Variants in MYH2 observed in about 807,000 individuals in gnomAD.
The protein encoded by MYH2 is myosin-2.
In MYH2, 139 loss-of-function variants were observed where a neutral mutation model predicts 228.1. That is an observed-to-expected ratio of 0.61 (90% CI 0.53 to 0.70). The LOEUF is 0.70. MYH2 is among the 30% of genes least tolerant of loss of function. MYH2 has a pLI of 0.00. For missense variants in MYH2, 1,809 were observed against 2,357.5 expected (o/e 0.77, Z 4.82); for synonymous variants, 796 against 871.1 (o/e 0.91, Z 1.52).
At chr17:10,523,011 A>G in intron 39 of MYH2, 79 bp downstream of exon 39, 1 of 1,037,666 alleles carries the variant, frequency 9.6e-7, no homozygotes, top group Non-Finnish European at 1.5e-6. Flanking sequence ...TAGTCTTTAA[A>G]GCAAACAGCT....
At chr17:10,526,539 A>G (rs2142295147) in intron 30 of MYH2, 60 bp downstream of exon 30, 15 of 1,605,780 alleles carry the variant, frequency 9.3e-6, no homozygotes, top group Middle Eastern at 1.7e-4. Context: ...TTCAAAGGTC[A>G]TGTCTTTCTG....
In MYH2 at chr17:10,529,664, T is replaced by C; in HGVS notation, c.3017A>G (p.Gln1006Arg). The part of the protein sequence containing the change: ...AKLTKEKKAL[Q>R]EAHQQTLDDL... ...ATCCAGGGTCTGCTGGTGGGCCTCC[T>C]GGAGAGCCTTCTTCTCCTTGGTCAG... Residue 1006 changes from glutamine (Q) to arginine (R), a missense_variant, in exon 24 of 40, where the codon CAG (glutamine) becomes CGG (arginine). Gln to Arg is a conservative substitution (Grantham distance 43). Transcript: ENST00000245503. The C allele has an allele frequency of 6.2e-7, 1 of 1,614,102 alleles. No homozygotes were observed. Among genetic ancestry groups the C allele is most frequent in the Admixed American group, 1.7e-5 (1 of 60,026 alleles).
chr17:10,535,918 T>A (rs182831616), intron 17 of MYH2, among the ~76,000 whole-genome samples: 1 of 152,364 alleles, frequency 6.6e-6, no homozygotes, highest in Admixed American at 6.5e-5. Context: ...CTGCTAGAAT[T>A]CATGAGTTCA....
chr17:10,525,464 G>A lies in MYH2; in HGVS notation c.4524C>T (p.Asn1508=), dbSNP rs755853806. 3.1e-6 allele frequency: 5 copies of A among 1,614,032 alleles called. No homozygotes were observed. Among genetic ancestry groups the A allele is most frequent in the East Asian group, 2.2e-5 (1 of 44,898 alleles). ...LDQLETLKRE[N]KNLQQEISDL... ...ATAGGGACTTACGCTGTAAGTTTTTGTTCTCTCGCTTCAGGGTTTCTAGCT... is the reference window on the plus strand; with the variant it reads ...ATAGGGACTTACGCTGTAAGTTTTTATTCTCTCGCTTCAGGGTTTCTAGCT... Residue 1508 remains asparagine (N), a synonymous_variant, in exon 32 of 40, where the codon AAC becomes AAT. Coordinates refer to ENST00000245503, the MANE Select transcript of MYH2 (RefSeq NM_017534.6). This position sits in a 1 kb window ranked among gnomAD's most constrained non-coding sequence, Gnocchi z 4.2.
At chr17:10,538,446 T>C (rs2073508672) in intron 14 of MYH2, among the ~76,000 whole-genome samples, 1 of 151,928 alleles carries the variant, frequency 6.6e-6, no homozygotes, top group Non-Finnish European at 1.5e-5. Context: ...TCGAGACCAT[T>C]CTGGCTAACA....
chr17:10,546,256 G>GATATATATATATATATAT (rs71139049), intron 4 of MYH2, among the ~76,000 whole-genome samples: 732 of 65,990 alleles, frequency 0.011, 89 homozygotes, highest in African/African-American at 0.016. Context: ...GACACGAAAT[G>GATATATATATATATATAT]ATATATATAT....
chr17:10,547,955 A>G lies in MYH2; in HGVS notation c.-20-15T>C, dbSNP rs766450800. The stretch of plus-strand genomic sequence containing the variant: ...ACTCAGAGGTCCTAAAGGAGATAAA[A>G]CTTTCACATTAGAGAGTCTGGATTG... On this transcript the variant is annotated splice_polypyrimidine_tract_variant and intron_variant, in intron 2 of 39. Coordinates refer to ENST00000245503, the MANE Select transcript of MYH2 (RefSeq NM_017534.6). The G allele has an allele frequency of 6.2e-7, 1 of 1,603,122 alleles. No individual in the cohort carries two copies. The highest frequency in any genetic ancestry group is 1.7e-5 in the Admixed American group (1 of 59,818).
Position 10,545,347 on chromosome 17 carries a change from A to C in MYH2, c.504T>G (p.Thr168=). The C allele has an allele frequency of 6.2e-7, 1 of 1,613,450 alleles. No homozygotes were observed. Residue 168 remains threonine, a splice_region_variant and synonymous_variant, in exon 5 of 40, where the codon ACT becomes ACG. Transcript: ENST00000245503. ...ISDNAYQFML[T]DRENQSILIT... Reference sequence around the variant, plus strand: ...TTGCAAAGCATTCGGCTCACTCACCAGTCAGCATGAACTGATAGGCGTTGT... The same window carrying C: ...TTGCAAAGCATTCGGCTCACTCACCCGTCAGCATGAACTGATAGGCGTTGT...
intron 13 of MYH2, 37 bp downstream of exon 13, chr17:10,539,407 T>C (rs1567734678): frequency 6.2e-7 from 1 of 1,614,176 alleles, no homozygotes; most frequent in Non-Finnish European, 8.5e-7. Context: ...ATGAAAATGC[T>C]TTCATCCCTG....
In MYH2 at chr17:10,537,574, T is replaced by G. The variant is rs200692688; in HGVS notation, c.1588-32A>C. ...AGCAGACCACAACACAAAATTGTAC[T>G]TCTATTTTTTTTTCTGTCTATAGAA... On this transcript the variant is annotated intron_variant, in intron 15 of 39. Coordinates refer to ENST00000245503, the MANE Select transcript of MYH2 (RefSeq NM_017534.6). This position sits in a 1 kb window ranked among gnomAD's most constrained non-coding sequence, Gnocchi z 4.0. 1.2e-6 allele frequency: 2 copies of G among 1,614,046 alleles called. No homozygotes were observed. Among genetic ancestry groups the G allele is most frequent in the Non-Finnish European group, 1.7e-6 (2 of 1,180,000 alleles).
At chr17:10,544,850 T>C (rs1322968183) in intron 5 of MYH2, among the ~76,000 whole-genome samples, 2 of 152,140 alleles carry the variant, frequency 1.3e-5, no homozygotes, top group African/African-American at 4.8e-5. Context: ...AGGTTGGTTC[T>C]GGGCAAAGGG....
In MYH2 at chr17:10,531,638, G is replaced by C; in HGVS notation, c.2692C>G (p.Gln898Glu). 6.2e-7 allele frequency: 1 copy of C among 1,614,176 alleles called. No individual in the cohort carries two copies. The highest frequency in any genetic ancestry group is 1.7e-5 in the Admixed American group (1 of 60,026). ...KEKNDLQLQVQAEAEGLADAE... is the reference protein window; with the variant it reads ...KEKNDLQLQVEAEAEGLADAE... Reference sequence around the variant, plus strand: ...AGGGTGATATTCCAACTCACAGCCTGAACTTGGAGCTGCAAGTCATTTTTT... The same window carrying C: ...AGGGTGATATTCCAACTCACAGCCTCAACTTGGAGCTGCAAGTCATTTTTT... Residue 898 changes from glutamine to glutamate, a missense_variant, in exon 22 of 40, where the codon CAG becomes GAG. Physicochemically the swap from Gln to Glu is conservative, Grantham distance 29 (BLOSUM62 2). Around this residue, in one of 9 missense-constraint regions of MYH2, gnomAD observed 276 missense variants for 344.2 expected, o/e 0.80. Transcript: ENST00000245503.
intron 27 of MYH2, 118 bp from the exon 28 acceptor site, chr17:10,527,992 A>G (rs1307326865): frequency 8.0e-7 from 1 of 1,244,512 alleles, no homozygotes; most frequent in East Asian, 2.6e-5. Flanking sequence ...TTAATATAGA[A>G]AAGAAACCAA....
rs771443615 is a variant in MYH2 at position 10,544,004 on chromosome 17, A to G, written c.546T>C (p.Gly182=). The G allele has an allele frequency of 6.2e-7, 1 of 1,614,202 alleles. No individual in the cohort carries two copies. The highest frequency in any genetic ancestry group is 1.1e-5 in the South Asian group (1 of 91,082). Residue 182 remains glycine (G), a synonymous_variant, in exon 7 of 40, where the codon GGT becomes GGC. Coordinates refer to ENST00000245503, the MANE Select transcript of MYH2 (RefSeq NM_017534.6). ...GCTTGGTGTTCACAGTCTTCCCTGC[A>G]CCAGATTCTCCACTGTCAAATCAAA... ...NQSILITGES[G]AGKTVNTKRV...
chr17:10,541,979 T>G (rs1479894720), intron 10 of MYH2, among the ~76,000 whole-genome samples: 1 of 152,096 alleles, frequency 6.6e-6, no homozygotes, highest in Non-Finnish European at 1.5e-5. Context: ...AAATCCTTAT[T>G]AAAAAATAAA....
chr17:10,548,997 A>G (rs1006522311), intron 2 of MYH2, among the ~76,000 whole-genome samples: 2 of 152,222 alleles, frequency 1.3e-5, no homozygotes, highest in Non-Finnish European at 1.5e-5. Flanking sequence ...AGTTTAAAGA[A>G]AGGATTGTCT....
Position 10,545,497 on chromosome 17 carries a change from A to C in MYH2, c.354T>G (p.Tyr118Ter). The part of the protein sequence containing the change: ...ERYAAWMIYT[Y>*]SGLFCVTVNP... The stretch of plus-strand genomic sequence containing the variant: ...TGACAGTGACACAGAAGAGACCTGA[A>C]TAGGTCTATGAGAAGGAAAAAGAAT... The change falls in exon 5 of 40, where the codon TAT becomes TAG. Residue 118 changes from tyrosine (Y) to a stop codon, truncating the protein, a stop_gained. Transcript: ENST00000245503. LOFTEE classifies it high-confidence loss of function. The C allele has an allele frequency of 6.2e-7, 1 of 1,614,098 alleles. No individual in the cohort carries two copies. The highest frequency in any genetic ancestry group is 8.5e-7 in the Non-Finnish European group (1 of 1,179,920).
rs759806136 is a variant in MYH2, at chr17:10,527,880, G to T, written c.3745-6C>A. 3.1e-6 allele frequency: 5 copies of T among 1,612,428 alleles called. No homozygotes were observed. The South Asian group carries it at 5.5e-5, about 18-fold the overall frequency. On this transcript the variant is annotated splice_region_variant and splice_polypyrimidine_tract_variant and intron_variant, in intron 27 of 39. Transcript: ENST00000245503. ...CACATTTTCTCTAGGTTTCCCTATA[G>T]AAGAAAAAGTAAAAGAAGAAAACAG...
At chr17:10,530,236 C>T (rs990029647) in intron 22 of MYH2, among the ~76,000 whole-genome samples, 162 bp from the exon 23 acceptor site, 5 of 152,184 alleles carry the variant, frequency 3.3e-5, no homozygotes, top group African/African-American at 1.2e-4. Context: ...GTACATTTTC[C>T]ACATGTGGGT....
Sources: gnomAD v4.1 joint callset for allele counts (sites outside exome capture counted in the v4.1 genomes callset) on GRCh38, gnomAD v4.1.1 for gene constraint, gnomAD v4.1.1 regional missense constraint, Gnocchi (gnomAD v3.1) non-coding constraint, MANE v1.5 for transcripts, NCBI Gene and HGNC (gene_info 2026-07-23, HGNC 2026-07-21) for gene names.